ITGA6: variants seen among roughly 807,000 people sequenced by gnomAD.
ITGA6 encodes integrin subunit alpha 6, also known as integrin alpha-6.
In ITGA6, 63 loss-of-function variants were observed where a neutral mutation model predicts 133.6. The observed-to-expected ratio is 0.47, with a 90% CI of 0.38 to 0.58. The LOEUF (loss-of-function observed/expected upper bound fraction) is 0.58, where lower values mean the gene tolerates loss of function less well. Ranked by LOEUF, ITGA6 falls within the 20% of genes least tolerant of loss-of-function variation. The pLI, the probability that ITGA6 is intolerant of heterozygous loss-of-function variation, is 0.00. For missense variants in ITGA6, 1,068 were observed against 1,309.4 expected (o/e 0.82, Z 2.85); for synonymous variants, 434 against 482.0 (o/e 0.90, Z 1.30).
intron 1 of ITGA6, among the ~76,000 whole-genome samples, chr2:172,457,157 G>A (rs1009823282): frequency 6.6e-6 from 1 of 152,022 alleles, no homozygotes; most frequent in Non-Finnish European, 1.5e-5. Context: ...AGCCAGGCTT[G>A]GTGGCGGGCA....
At chr2:172,436,359 A>C (rs1482109946) in intron 1 of ITGA6, among the ~76,000 whole-genome samples, 12 of 152,246 alleles carry the variant, frequency 7.9e-5, no homozygotes, top group Admixed American at 2.0e-4. Flanking sequence ...AAGCCAGCTT[A>C]GAAAAGCACC....
At chr2:172,480,639 C>T (rs1321562064) in intron 11 of ITGA6, among the ~76,000 whole-genome samples, 1 of 152,132 alleles carries the variant, frequency 6.6e-6, no homozygotes, top group African/African-American at 2.4e-5. Flanking sequence ...AGGGCAAGTC[C>T]CTTAACATAT....
At chr2:172,483,276 T>TG (rs1460942941) in intron 11 of ITGA6, among the ~76,000 whole-genome samples, 1 of 152,180 alleles carries the variant, frequency 6.6e-6, no homozygotes, top group African/African-American at 2.4e-5. Flanking sequence ...AAGTGAGACC[T>TG]GGGCATCTAA....
Position 172,487,305 on chromosome 2 carries a change from A to C in ITGA6, c.2012A>C (p.Asp671Ala). ...VPELVLKDQK[D>A]IALEITVTNS... ...GAACTAGTTCTAAAAGATCAGAAGG[A>C]TATTGCTTTAGAAATAACAGTGACA... Residue 671 changes from aspartate to alanine, a missense_variant, in exon 15 of 26, where the codon GAT becomes GCT. This residue lies in a region of ITGA6 where 609 missense variants were observed against 707.2 expected (regional missense o/e 0.86). Transcript: ENST00000684293. 1.9e-6 allele frequency: 3 copies of C among 1,614,052 alleles called. No individual in the cohort carries two copies. Among genetic ancestry groups the C allele is most frequent in the Non-Finnish European group, 2.5e-6 (3 of 1,179,872 alleles).
At chr2:172,475,729 T>C (rs766881859) in intron 8 of ITGA6, 44 bp downstream of exon 8, 2 of 1,061,824 alleles carry the variant, frequency 1.9e-6, no homozygotes, top group South Asian at 2.5e-5. Context: ...TCTCAACTTT[T>C]TGCCCTATAA....
chr2:172,457,650 TC>T (rs1685265593), intron 1 of ITGA6, among the ~76,000 whole-genome samples: 1 of 152,220 alleles, frequency 6.6e-6, no homozygotes, highest in Non-Finnish European at 1.5e-5. Context: ...GGAATGTTTT[TC>T]CCCGTTATAT....
At chr2:172,450,522 T>C (rs997000457) in intron 1 of ITGA6, among the ~76,000 whole-genome samples, 1 of 152,108 alleles carries the variant, frequency 6.6e-6, no homozygotes, top group Non-Finnish European at 1.5e-5. Context: ...TACTGAGAAG[T>C]GGTCAGAGTA....
At chr2:172,458,858 G>A (rs1055435920) in intron 1 of ITGA6, among the ~76,000 whole-genome samples, 1 of 152,146 alleles carries the variant, frequency 6.6e-6, no homozygotes, top group Non-Finnish European at 1.5e-5. Context: ...TAAACCCACA[G>A]AATAAGATTA....
chr2:172,435,491 G>A (rs1438474034), intron 1 of ITGA6, among the ~76,000 whole-genome samples: 1 of 152,058 alleles, frequency 6.6e-6, no homozygotes, highest in Non-Finnish European at 1.5e-5. Flanking sequence ...ATTCTACAAG[G>A]CTCCAGAGAG....
chr2:172,468,411 T>G (rs546573208), intron 3 of ITGA6, among the ~76,000 whole-genome samples: 1 of 152,228 alleles, frequency 6.6e-6, no homozygotes, highest in Admixed American at 6.5e-5. Context: ...AAAAAAAATT[T>G]AGTGAACATT....
chr2:172,467,876 A>G (rs895982411), intron 3 of ITGA6, among the ~76,000 whole-genome samples: 1 of 152,170 alleles, frequency 6.6e-6, no homozygotes, highest in Non-Finnish European at 1.5e-5. Flanking sequence ...AATCCCAGCT[A>G]CTTGGGAGAC....
intron 1 of ITGA6, among the ~76,000 whole-genome samples, chr2:172,432,556 C>T (rs1684145744): frequency 6.6e-6 from 1 of 152,256 alleles, no homozygotes; most frequent in Non-Finnish European, 1.5e-5. Flanking sequence ...CTTTGCCCTT[C>T]CTTGCTCAGG....
chr2:172,455,840 T>G (rs988122706), intron 1 of ITGA6, among the ~76,000 whole-genome samples: 2 of 152,132 alleles, frequency 1.3e-5, no homozygotes, highest in Admixed American at 1.3e-4. Flanking sequence ...CACACCAACA[T>G]GCATATAGGC....
At position 172,489,661 on chromosome 2, in the gene ITGA6, A is replaced by G. The variant is rs755876031; in HGVS notation, c.2679+3A>G. 1.2e-6 allele frequency: 2 copies of G among 1,611,962 alleles called. No homozygotes were observed. Among genetic ancestry groups the G allele is most frequent in the East Asian group, 2.2e-5 (1 of 44,828 alleles). ...AGATAAACTCCCTGAACCTAACGGT[A>G]TGTCGGTAGATTTATCTAATGTCTC... On this transcript the variant is annotated splice_donor_region_variant and intron_variant, in intron 20 of 25. Transcript: ENST00000684293.
At chr2:172,487,164 A>G (rs768810458) in intron 14 of ITGA6, 26 bp downstream of exon 14, 2 of 1,530,986 alleles carry the variant, frequency 1.3e-6, no homozygotes, top group Non-Finnish European at 1.8e-6. Flanking sequence ...TAGCACTAGC[A>G]AAAATGATTC....
At chr2:172,455,825 A>G (rs1156778789) in intron 1 of ITGA6, among the ~76,000 whole-genome samples, 1 of 152,250 alleles carries the variant, frequency 6.6e-6, no homozygotes, top group Non-Finnish European at 1.5e-5. Context: ...AACTTAAAGT[A>G]CACACACACC....
chr2:172,452,871 A>G (rs1261024420), intron 1 of ITGA6, among the ~76,000 whole-genome samples: 1 of 152,214 alleles, frequency 6.6e-6, no homozygotes, highest in Non-Finnish European at 1.5e-5. Flanking sequence ...TATTTGGAGT[A>G]AACTGCTGTA....
At chr2:172,495,752 G>GCA in intron 23 of ITGA6, among the ~76,000 whole-genome samples, 1 of 152,290 alleles carries the variant, frequency 6.6e-6, no homozygotes, top group East Asian at 1.9e-4. Flanking sequence ...GGGGCTTAGA[G>GCA]CTTCAGCTGG....
chr2:172,454,059 G>A (rs1242318500), intron 1 of ITGA6, among the ~76,000 whole-genome samples: 3 of 150,662 alleles, frequency 2.0e-5, no homozygotes, highest in Non-Finnish European at 4.4e-5. Context: ...AACTAGCCTG[G>A]AAAGTGGGAA....
Sources: gnomAD v4.1 joint callset for allele counts (sites outside exome capture counted in the v4.1 genomes callset) on GRCh38, gnomAD v4.1.1 for gene constraint, gnomAD v4.1.1 regional missense constraint, MANE v1.5 for transcripts, NCBI Gene and HGNC (gene_info 2026-07-23, HGNC 2026-07-21) for gene names.